SGCZ: variants seen among roughly 807,000 people sequenced by gnomAD.
The protein encoded by SGCZ is sarcoglycan zeta, also known as zeta-sarcoglycan.
Under a neutral mutation model 41.3 loss-of-function variants are expected in SGCZ, and 40 were observed. The observed-to-expected ratio is 0.97, with a 90% CI of 0.75 to 1.26. The LOEUF (loss-of-function observed/expected upper bound fraction) is 1.26, where lower values mean the gene tolerates loss of function less well. SGCZ is among the 50% of genes most tolerant of loss of function. The probability of loss-of-function intolerance (pLI) is 0.00; values close to 1 mark genes in which losing one functional copy is unlikely to be tolerated. For synonymous variants in SGCZ, 206 were observed against 137.5 expected, an observed-to-expected ratio of 1.50 and a Z score of -3.49; for missense variants, 552 against 369.8, an observed-to-expected ratio of 1.49 and a Z score of -4.04.
chr8:14,957,700 A>C (rs894556074), intron 1 of SGCZ, among the ~76,000 whole-genome samples: 4 of 152,010 alleles, frequency 2.6e-5, no homozygotes, highest in African/African-American at 4.8e-5. Context: ...CTCTATTTTT[A>C]CGGCAAATTT....
At chr8:14,307,172 GA>G (rs529466584) in intron 3 of SGCZ, among the ~76,000 whole-genome samples, 1 of 152,076 alleles carries the variant, frequency 6.6e-6, no homozygotes, top group Admixed American at 6.6e-5. Flanking sequence ...TCAGACACAT[GA>G]AAAAATAGGA....
chr8:14,653,208 C>T (rs1468867802), intron 1 of SGCZ, among the ~76,000 whole-genome samples: 1 of 151,904 alleles, frequency 6.6e-6, no homozygotes, highest in African/African-American at 2.4e-5. Flanking sequence ...ATAACTAGTT[C>T]CGACCAAAGC....
chr8:14,093,532 A>G (rs1585126719), intron 7 of SGCZ, among the ~76,000 whole-genome samples: 1 of 151,990 alleles, frequency 6.6e-6, no homozygotes, highest in African/African-American at 2.4e-5. Context: ...GCCTCATAGT[A>G]TTTTTACTAT....
At chr8:15,173,351 C>T (rs765624031) in intron 1 of SGCZ, among the ~76,000 whole-genome samples, 1 of 152,146 alleles carries the variant, frequency 6.6e-6, no homozygotes, top group South Asian at 2.1e-4. Flanking sequence ...CAACGTTTAA[C>T]TTATTTAAGT....
At chr8:14,852,972 A>T (rs964328547) in intron 1 of SGCZ, among the ~76,000 whole-genome samples, 14 of 152,174 alleles carry the variant, frequency 9.2e-5, no homozygotes, top group African/African-American at 3.4e-4. Context: ...TGAGATGATC[A>T]GATATATACT....
chr8:14,505,474 G>C (rs1802279103), intron 2 of SGCZ, among the ~76,000 whole-genome samples: 1 of 152,054 alleles, frequency 6.6e-6, no homozygotes, highest in African/African-American at 2.4e-5. Context: ...GAGAAATTAA[G>C]GATACTCCCT....
chr8:14,872,178 G>A lies in SGCZ; in HGVS notation c.40-317252C>T, dbSNP rs552272303. Among the ~76,000 whole-genome samples, 387 of 152,092 alleles carry A rather than the reference G, an allele frequency of 2.5e-3. 3 individuals are homozygous for A. The highest frequency in any genetic ancestry group is 8.9e-3 in the African/African-American group (371 of 41,512). On this transcript the variant is annotated intron_variant, in intron 1 of 7. Transcript: ENST00000382080. Reference sequence around the variant, plus strand: ...CACCAGGGCCTGACAGGGCATGAGGGGCTAGGGGAGGGATAGCATTAGGAG... The same window carrying A: ...CACCAGGGCCTGACAGGGCATGAGGAGCTAGGGGAGGGATAGCATTAGGAG...
At chr8:14,991,196 A>G (rs1406927324) in intron 1 of SGCZ, among the ~76,000 whole-genome samples, 2 of 152,248 alleles carry the variant, frequency 1.3e-5, no homozygotes, top group African/African-American at 4.8e-5. Flanking sequence ...AGACATTAAC[A>G]TTGTTAATTG....
chr8:15,217,144 G>A (rs1337251287), intron 1 of SGCZ, among the ~76,000 whole-genome samples: 6 of 152,134 alleles, frequency 3.9e-5, no homozygotes, highest in African/African-American at 9.6e-5. Context: ...CTGGCCGGGC[G>A]CGGTGGCTCA....
intron 4 of SGCZ, among the ~76,000 whole-genome samples, chr8:14,181,655 A>G (rs1804731080): frequency 6.6e-6 from 1 of 152,186 alleles, no homozygotes; most frequent in Admixed American, 6.5e-5. Context: ...GAGTCTCACA[A>G]GATCTGATGG....
intron 3 of SGCZ, among the ~76,000 whole-genome samples, chr8:14,274,798 T>A (rs980696893): frequency 6.6e-6 from 1 of 152,056 alleles, no homozygotes; most frequent in Non-Finnish European, 1.5e-5. Flanking sequence ...GAAACACTAT[T>A]ATCAAAATTA....
intron 2 of SGCZ, among the ~76,000 whole-genome samples, chr8:14,485,171 C>T (rs1801638791): frequency 6.6e-6 from 1 of 152,174 alleles, no homozygotes; most frequent in Non-Finnish European, 1.5e-5. Context: ...TTGTGGGATA[C>T]ATGATGATCC....
chr8:14,092,532 C>A (rs1468008470), intron 7 of SGCZ, among the ~76,000 whole-genome samples: 12 of 151,910 alleles, frequency 7.9e-5, no homozygotes, highest in Admixed American at 7.9e-4. Flanking sequence ...TGAATTGTAA[C>A]CCCCATAATT....
intron 1 of SGCZ, among the ~76,000 whole-genome samples, chr8:14,798,413 C>T (rs1449626716): frequency 6.6e-6 from 1 of 152,034 alleles, no homozygotes; most frequent in East Asian, 1.9e-4. Context: ...TTTATAGATG[C>T]CATTCTCTGG....
chr8:14,239,766 G>A (rs976438908), intron 3 of SGCZ, among the ~76,000 whole-genome samples: 4 of 149,964 alleles, frequency 2.7e-5, no homozygotes, highest in African/African-American at 9.8e-5. Flanking sequence ...GCCGGGCGTA[G>A]TGGCGGGCGC....
intron 2 of SGCZ, among the ~76,000 whole-genome samples, chr8:14,359,427 A>G (rs1330224163): frequency 6.6e-6 from 1 of 152,138 alleles, no homozygotes; most frequent in Non-Finnish European, 1.5e-5. Context: ...CAGAATATAC[A>G]TTCTTCTTCT....
chr8:14,608,083 C>G (rs1442880188), intron 1 of SGCZ, among the ~76,000 whole-genome samples: 4 of 152,026 alleles, frequency 2.6e-5, no homozygotes, highest in African/African-American at 9.7e-5. Context: ...CTCCTATGTC[C>G]CTTGATGACT....
chr8:14,422,490 C>T (rs1799661582), intron 2 of SGCZ, among the ~76,000 whole-genome samples: 1 of 152,148 alleles, frequency 6.6e-6, no homozygotes, highest in Non-Finnish European at 1.5e-5. Flanking sequence ...ACTTCAGGTT[C>T]AAATGTGCCA....
chr8:14,595,913 G>A (rs185832809), intron 1 of SGCZ, among the ~76,000 whole-genome samples: 2 of 152,226 alleles, frequency 1.3e-5, no homozygotes, highest in Admixed American at 6.5e-5. Flanking sequence ...AAAAATGTTA[G>A]GTTGTCCAAT....
Sources: allele counts gnomAD v4.1 joint callset (sites outside exome capture counted in the v4.1 genomes callset), GRCh38; gene constraint gnomAD v4.1.1; transcripts MANE v1.5; gene names NCBI Gene and HGNC (gene_info 2026-07-23, HGNC 2026-07-21).